The following STARD13 variants were observed in gnomAD, a reference collection of about 807,000 sequenced individuals.
STARD13 encodes StAR related lipid transfer domain containing 13.
A neutral mutation model predicts 106.4 loss-of-function variants in STARD13; 62 were observed. The observed-to-expected ratio is 0.58, with a 90% confidence interval of 0.48 to 0.72. The LOEUF (loss-of-function observed/expected upper bound fraction) is 0.72. STARD13 is among the 30% of genes least tolerant of loss of function. The pLI is 0.00. For missense variants in STARD13, 1,387 were observed against 1,424.0 expected (o/e 0.97, Z 0.42); for synonymous variants, 565 against 553.0 (o/e 1.02, Z -0.31).
the STARD13 span, among the ~76,000 whole-genome samples, chr13:33,651,216 A>G: frequency 6.6e-6 from 1 of 152,240 alleles, no homozygotes. Flanking sequence ...ATAAAAAATC[A>G]TGATTTTTAA....
chr13:33,396,812 T>G, the STARD13 span, among the ~76,000 whole-genome samples: 2 of 152,118 alleles, frequency 1.3e-5, no homozygotes, highest in African/African-American at 4.8e-5. Flanking sequence ...TCAGACAGTA[T>G]AGGAGGTAGC....
the STARD13 span, among the ~76,000 whole-genome samples, chr13:33,528,265 T>TATATATATATATATAC: frequency 7.6e-6 from 1 of 131,546 alleles, no homozygotes; most frequent in African/African-American, 3.2e-5. Flanking sequence ...TACATATATA[T>TATATATATATATATAC]ATATATATAC....
chr13:33,175,681 G>A (rs1198653364), intron 1 of STARD13, among the ~76,000 whole-genome samples: 1 of 152,174 alleles, frequency 6.6e-6, no homozygotes, highest in Non-Finnish European at 1.5e-5. Flanking sequence ...ATGATTTCTT[G>A]CCTGGGGAAG....
intron 1 of STARD13, among the ~76,000 whole-genome samples, chr13:33,334,245 A>T (rs1220217479): frequency 6.6e-6 from 1 of 152,226 alleles, no homozygotes; most frequent in East Asian, 1.9e-4. Context: ...TATGTGGATT[A>T]TACAGCAGAG....
At chr13:33,554,328 A>C in the STARD13 span, among the ~76,000 whole-genome samples, 3 of 152,194 alleles carry the variant, frequency 2.0e-5, no homozygotes, top group African/African-American at 7.2e-5. Context: ...TGATGGTGGC[A>C]GTGATTCTAA....
rs760776621 is a variant in STARD13, at chr13:33,117,967, T to C, written c.2281+98A>G. ...GATTACATACATCTTTATGGATTGA[T>C]GTATTATTCGTATAATTAAAACTCA... On this transcript the variant is annotated intron_variant, in intron 8 of 13. Transcript: ENST00000336934. 9.4e-4 allele frequency: 1,475 copies of C among 1,563,028 alleles called. 4 individuals are homozygous for C. The highest frequency in any genetic ancestry group is 1.2e-3 in the Non-Finnish European group (1,388 of 1,155,328).
At chr13:33,643,679 G>A in the STARD13 span, among the ~76,000 whole-genome samples, 3 of 152,266 alleles carry the variant, frequency 2.0e-5, no homozygotes, top group East Asian at 3.8e-4. Context: ...GTGAACGGGT[G>A]CCAGTCTGCC....
chr13:33,287,307 C>A (rs1047994695), upstream of STARD13, among the ~76,000 whole-genome samples: 1 of 152,200 alleles, frequency 6.6e-6, no homozygotes, highest in African/African-American at 2.4e-5. Flanking sequence ...TCTTGTATAA[C>A]TGTCCCGCTA....
At chr13:33,416,239 T>C in the STARD13 span, among the ~76,000 whole-genome samples, 7 of 152,244 alleles carry the variant, frequency 4.6e-5, no homozygotes, top group Admixed American at 6.5e-5. Flanking sequence ...AGAGGAATTA[T>C]CAATCACTAG....
the STARD13 span, among the ~76,000 whole-genome samples, chr13:33,547,969 T>C: frequency 6.6e-6 from 1 of 152,204 alleles, no homozygotes; most frequent in Non-Finnish European, 1.5e-5. Context: ...TTTAAAAATA[T>C]TTAAAATGCC....
At chr13:33,294,972 G>T (rs2138443043) in intron 1 of STARD13, among the ~76,000 whole-genome samples, 1 of 152,208 alleles carries the variant, frequency 6.6e-6, no homozygotes, top group African/African-American at 2.4e-5. Flanking sequence ...ATTGTCTGCT[G>T]ACCTGTTGCC....
At chr13:33,461,743 T>C in the STARD13 span, among the ~76,000 whole-genome samples, 5 of 152,208 alleles carry the variant, frequency 3.3e-5, no homozygotes, top group Non-Finnish European at 7.3e-5. Context: ...TTTGTAATAC[T>C]GGTTTTTCTT....
intron 1 of STARD13, among the ~76,000 whole-genome samples, chr13:33,176,209 C>A (rs1884501293): frequency 6.6e-6 from 1 of 152,198 alleles, no homozygotes; most frequent in Non-Finnish European, 1.5e-5. Context: ...ATTTCCACAG[C>A]TCAAGTATAA....
chr13:33,551,385 CAA>C, the STARD13 span, among the ~76,000 whole-genome samples: 3 of 152,002 alleles, frequency 2.0e-5, no homozygotes, highest in South Asian at 6.2e-4. Context: ...TGTCAGCACT[CAA>C]AAAGTTTTGG....
At chr13:33,239,679 G>A in intron 1 of STARD13, among the ~76,000 whole-genome samples, 1 of 151,996 alleles carries the variant, frequency 6.6e-6, no homozygotes, top group East Asian at 1.9e-4. Context: ...TTGGCCATTT[G>A]TATATCTTCT....
chr13:33,365,708 A>G, the STARD13 span, among the ~76,000 whole-genome samples: 7 of 152,218 alleles, frequency 4.6e-5, no homozygotes, highest in Non-Finnish European at 8.8e-5. Context: ...TGCTCACTGT[A>G]ACACTCACCC....
At chr13:33,151,547 C>T (rs1881280726) in intron 3 of STARD13, among the ~76,000 whole-genome samples, 1 of 152,184 alleles carries the variant, frequency 6.6e-6, no homozygotes, top group Non-Finnish European at 1.5e-5. Flanking sequence ...CACCAGGCCC[C>T]AACTCCAACA....
At chr13:33,499,607 CTTCTTCTTCTTCTT>C in the STARD13 span, among the ~76,000 whole-genome samples, 25 of 59,752 alleles carry the variant, frequency 4.2e-4, 1 homozygote, top group East Asian at 3.1e-3. Context: ...CTTCTTCTTT[CTTCTTCTTCTTCTT>C]CTTCTTCTTC....
intron 2 of STARD13, among the ~76,000 whole-genome samples, chr13:33,166,926 G>A (rs1293223035): frequency 1.3e-5 from 2 of 151,590 alleles, no homozygotes; most frequent in African/African-American, 4.9e-5. Flanking sequence ...CCCAGGAGGC[G>A]GAGGTTGCAG....
Sources: gnomAD v4.1 joint callset for allele counts (sites outside exome capture counted in the v4.1 genomes callset) on GRCh38, gnomAD v4.1.1 for gene constraint, MANE v1.5 for transcripts, NCBI Gene and HGNC (gene_info 2026-07-23, HGNC 2026-07-21) for gene names.